The following AGAP1 variants were observed in gnomAD, a reference collection of about 807,000 sequenced individuals.
AGAP1 encodes the protein ArfGAP with GTPase domain, ankyrin repeat and PH domain 1.
In AGAP1, 29 loss-of-function variants were observed where a neutral mutation model predicts 105.3. The observed-to-expected ratio is 0.28, with a 90% CI of 0.21 to 0.38. The LOEUF is 0.38. Ranked by LOEUF, AGAP1 falls within the 10% of genes least tolerant of loss-of-function variation. The pLI is 1.00. For synonymous variants in AGAP1, 509 were observed against 485.9 expected, an observed-to-expected ratio of 1.05 and a Z score of -0.63; for missense variants, 998 against 1,165.1, an observed-to-expected ratio of 0.86 and a Z score of 2.09.
chr2:235,838,028 C>G (rs1559546845), intron 9 of AGAP1, among the ~76,000 whole-genome samples: 1 of 152,074 alleles, frequency 6.6e-6, no homozygotes, highest in Non-Finnish European at 1.5e-5. Flanking sequence ...ACTAAAAACA[C>G]AAAAAAACTT....
At chr2:235,939,886 C>T (rs2053180172) in intron 12 of AGAP1, among the ~76,000 whole-genome samples, 3 of 152,156 alleles carry the variant, frequency 2.0e-5, no homozygotes, top group South Asian at 4.1e-4. Context: ...TCCCTGCACT[C>T]CTCTTGAAAT....
rs1483116880 is a variant in AGAP1 at position 236,105,118 on chromosome 2, G to A, written c.2115-15074G>A. ...TGAGAGAAGGCACGGCCCTCACCCAGGGCAGCAGAGATCAGGGCTGACTTT... is the reference window on the plus strand; with the variant it reads ...TGAGAGAAGGCACGGCCCTCACCCAAGGCAGCAGAGATCAGGGCTGACTTT... On this transcript the variant is annotated intron_variant, in intron 16 of 17. Transcript: ENST00000304032. This position sits in a 1 kb window ranked among gnomAD's most constrained non-coding sequence, Gnocchi z 4.2. Among the ~76,000 whole-genome samples, 1 of 152,104 alleles carries A rather than the reference G, an allele frequency of 6.6e-6. No homozygotes were observed. The highest frequency in any genetic ancestry group is 1.5e-5 in the Non-Finnish European group (1 of 68,024).
At chr2:236,091,072 T>A (rs1241241877) in intron 16 of AGAP1, among the ~76,000 whole-genome samples, 1 of 152,202 alleles carries the variant, frequency 6.6e-6, no homozygotes, top group Non-Finnish European at 1.5e-5. Flanking sequence ...TCTGAACACA[T>A]CAATCCGCTG....
rs1469127927 is a variant in AGAP1 at position 235,983,265 on chromosome 2, G to A, written c.1645+14642G>A. Among the ~76,000 whole-genome samples the A allele has an allele frequency of 6.6e-6, 1 of 152,104 alleles. No individual in the cohort carries two copies. The highest frequency in any genetic ancestry group is 2.4e-5 in the African/African-American group (1 of 41,422). ...GACCAGCGCTGCTGCAGGGAACATG[G>A]CTGGGAGGGCATCCACCGGGGCAGG... On this transcript the variant is annotated intron_variant, in intron 13 of 17. Transcript: ENST00000304032. The surrounding 1 kb of genome is among the most constrained non-coding windows in gnomAD (Gnocchi z 4.5).
At chr2:235,570,674 TC>T (rs1446837416) in intron 1 of AGAP1, among the ~76,000 whole-genome samples, 3 of 152,232 alleles carry the variant, frequency 2.0e-5, no homozygotes, top group African/African-American at 7.2e-5. Context: ...AAATTAAGTT[TC>T]TCTGGGTGTC....
At position 235,578,760 on chromosome 2, in the gene AGAP1, G is replaced by A. The variant is rs1312461275; in HGVS notation, c.163+83911G>A. Among the ~76,000 whole-genome samples the A allele has an allele frequency of 6.6e-6, 1 of 150,898 alleles. No individual in the cohort carries two copies. The highest frequency in any genetic ancestry group is 6.6e-5 in the Admixed American group (1 of 15,130). ...ACATTGTGCCACTGCACTCCAGCCT[G>A]GGCAATACAGCGAGACTCAGTCTCA... On this transcript the variant is annotated intron_variant, in intron 1 of 17. Transcript: ENST00000304032. This position sits in a 1 kb window ranked among gnomAD's most constrained non-coding sequence, Gnocchi z 4.9.
At chr2:235,727,656 A>C (rs181063062) in intron 3 of AGAP1, among the ~76,000 whole-genome samples, 22 of 152,300 alleles carry the variant, frequency 1.4e-4, no homozygotes, top group Admixed American at 1.2e-3. Context: ...CCTTCCTCCA[A>C]CATCATCAAC....
At position 235,625,447 on chromosome 2, in the gene AGAP1, G is replaced by A. The variant is rs930248742; in HGVS notation, c.164-83732G>A. On this transcript the variant is annotated intron_variant, in intron 1 of 17. Coordinates refer to ENST00000304032, the MANE Select transcript of AGAP1 (RefSeq NM_001037131.3). This position sits in a 1 kb window ranked among gnomAD's most constrained non-coding sequence, Gnocchi z 4.0. ...GAGGTTCTGTAAATCTGGGAGAAAG[G>A]TGCCTTTCCTTTGGAGGGATGGTGG... Among the ~76,000 whole-genome samples the A allele has an allele frequency of 3.9e-5, 6 of 152,204 alleles. No individual in the cohort carries two copies. Among genetic ancestry groups the A allele is most frequent in the African/African-American group, 1.2e-4 (5 of 41,444 alleles).
chr2:235,759,655 GGTGGGTTTGT>G (rs1367498248), intron 6 of AGAP1, among the ~76,000 whole-genome samples: 6 of 152,170 alleles, frequency 3.9e-5, no homozygotes, highest in African/African-American at 1.4e-4. Context: ...AAGAAGCCTT[GGTGGGTTTGT>G]GTGGGTCTTT....
chr2:235,515,230 G>T (rs1042514758), intron 1 of AGAP1, among the ~76,000 whole-genome samples: 1 of 152,204 alleles, frequency 6.6e-6, no homozygotes, highest in African/African-American at 2.4e-5. Context: ...CGAAGGATGT[G>T]GGGGTGGCTT....
chr2:235,967,949 T>C lies in AGAP1; in HGVS notation c.1484-513T>C, dbSNP rs2054476874. Among the ~76,000 whole-genome samples, 1 of 152,214 alleles carries C rather than the reference T, an allele frequency of 6.6e-6. No homozygotes were observed. ...AGAGAAAAAAATGGCATAGAATTTTTCACTGATAATAAAACAAGATGAAGT... is the reference window on the plus strand; with the variant it reads ...AGAGAAAAAAATGGCATAGAATTTTCCACTGATAATAAAACAAGATGAAGT... On this transcript the variant is annotated intron_variant, in intron 12 of 17. Coordinates refer to ENST00000304032, the MANE Select transcript of AGAP1 (RefSeq NM_001037131.3). This position sits in a 1 kb window ranked among gnomAD's most constrained non-coding sequence, Gnocchi z 4.7.
At position 235,867,536 on chromosome 2, in the gene AGAP1, A is replaced by AGTGTGTGTGTGTGTGTGT. The variant is rs61257818; in HGVS notation, c.1051-15787_1051-15770dup. Among the ~76,000 whole-genome samples the AGTGTGTGTGTGTGTGTGT allele has an allele frequency of 6.5e-3, 804 of 123,282 alleles. 10 individuals carry two copies. Among genetic ancestry groups the AGTGTGTGTGTGTGTGTGT allele is most frequent in the African/African-American group, 0.012 (420 of 35,096 alleles). 80.9% of individuals were successfully genotyped at this position (123,282 alleles called of 152,430 possible). On this transcript the variant is annotated intron_variant, in intron 9 of 17. Transcript: ENST00000304032. The surrounding 1 kb of genome is among the most constrained non-coding windows in gnomAD (Gnocchi z 5.4). ...ATCATACACCTTATGCTGGTGCTGCAGTGTGTGTGTGTGTGTGTGTGTGTG... is the reference window on the plus strand; with the variant it reads ...ATCATACACCTTATGCTGGTGCTGCAGTGTGTGTGTGTGTGTGTGTGTGTGTGTGTGTGTGTGTGTGTG...
At position 235,754,129 on chromosome 2, in the gene AGAP1, C is replaced by T. The variant is rs182960717; in HGVS notation, c.673+3641C>T. Among the ~76,000 whole-genome samples the T allele has an allele frequency of 1.5e-3, 231 of 152,288 alleles. No homozygotes were observed. The highest frequency in any genetic ancestry group is 2.6e-3 in the Non-Finnish European group (180 of 68,030). On this transcript the variant is annotated intron_variant, in intron 6 of 17. Transcript: ENST00000304032. This position sits in a 1 kb window ranked among gnomAD's most constrained non-coding sequence, Gnocchi z 4.6. ...CCCCCATCTTGGGACCTGAGAGCCT[C>T]GACTTAACCACAGCACCGGGACATT... is the stretch of plus-strand genomic sequence containing the variant.
At chr2:235,648,862 A>G (rs1176869963) in intron 1 of AGAP1, among the ~76,000 whole-genome samples, 1 of 151,300 alleles carries the variant, frequency 6.6e-6, no homozygotes, top group African/African-American at 2.4e-5. Flanking sequence ...ACTCCAGTCT[A>G]AGTGACAAAG....
At position 235,874,316 on chromosome 2, in the gene AGAP1, TG is replaced by T. The variant is rs1227311871; in HGVS notation, c.1051-9025del. 6.6e-6 allele frequency among the ~76,000 whole-genome samples: 1 copy of T among 152,190 alleles called. No individual in the cohort carries two copies. The highest frequency in any genetic ancestry group is 1.5e-5 in the Non-Finnish European group (1 of 68,040). ...TGCCGGCCTCGGCCTCCCAAAGTGC[TG>T]GGGTTACAGATGTAAGCCACTGTGC... On this transcript the variant is annotated intron_variant, in intron 9 of 17. Coordinates refer to ENST00000304032, the MANE Select transcript of AGAP1 (RefSeq NM_001037131.3). The surrounding 1 kb of genome is among the most constrained non-coding windows in gnomAD (Gnocchi z 4.5).
intron 6 of AGAP1, among the ~76,000 whole-genome samples, chr2:235,782,851 A>AC (rs1956353456): frequency 1.3e-5 from 2 of 152,098 alleles, no homozygotes; most frequent in African/African-American, 4.8e-5. Context: ...ATTAAGGTAA[A>AC]CCTACTGATT....
chr2:235,648,708 CAAAAAAAA>C (rs200700617), intron 1 of AGAP1, among the ~76,000 whole-genome samples: 2 of 132,184 alleles, frequency 1.5e-5, no homozygotes, highest in Non-Finnish European at 3.3e-5. Context: ...CCCATCTCTA[CAAAAAAAA>C]AAAAAAAAAA....
intron 9 of AGAP1, among the ~76,000 whole-genome samples, chr2:235,860,136 C>T (rs2048867951): frequency 6.6e-6 from 1 of 152,108 alleles, no homozygotes; most frequent in Non-Finnish European, 1.5e-5. Context: ...GAAAGAAACA[C>T]AAATACTCAT....
intron 1 of AGAP1, among the ~76,000 whole-genome samples, chr2:235,518,235 CTGTTTACACTGTT>C (rs2149044525): frequency 6.6e-6 from 1 of 152,336 alleles, no homozygotes. Context: ...GACAGTGGAG[CTGTTTACACTGTT>C]TGATTGATTG....
Sources: gnomAD v4.1 joint callset for allele counts (sites outside exome capture counted in the v4.1 genomes callset) on GRCh38, gnomAD v4.1.1 for gene constraint, Gnocchi (gnomAD v3.1) non-coding constraint, MANE v1.5 for transcripts, NCBI Gene and HGNC (gene_info 2026-07-23, HGNC 2026-07-21) for gene names.